The following DAPK1 variants were observed in gnomAD, a reference collection of about 807,000 sequenced individuals.
DAPK1 encodes death-associated protein kinase 1.
A neutral mutation model predicts 144.9 loss-of-function variants in DAPK1; 56 were observed. The observed-to-expected ratio is 0.39, with a 90% CI of 0.31 to 0.48. The LOEUF (loss-of-function observed/expected upper bound fraction) is 0.48, where lower values mean the gene tolerates loss of function less well. Among genes scored for constraint, DAPK1 ranks in the 20% least tolerant of loss-of-function variants. DAPK1 has a pLI of 0.95. For synonymous variants in DAPK1, 690 were observed against 749.0 expected (o/e 0.92, Z 1.29); for missense variants, 1,454 against 1,875.4 (o/e 0.78, Z 4.15).
chr9:87,498,082 G>T lies in DAPK1; in HGVS notation c.-134G>T. On this transcript the variant is annotated 5_prime_UTR_variant, in exon 1 of 26. Transcript: ENST00000408954. ...TCGGCCTCCGACAGCGCTCCGGAGG[G>T]ACCGGGGGAGCTCCCAGGCGCCCGG... is the stretch of plus-strand genomic sequence containing the variant. 2.5e-6 allele frequency: 1 copy of T among 397,754 alleles called. No individual in the cohort carries two copies. Among genetic ancestry groups the T allele is most frequent in the South Asian group, 1.3e-4 (1 of 7,606 alleles). The allele number at this position is 397,754 out of a possible 1,614,324, so 24.6% of individuals were successfully genotyped here. A position where few individuals can be genotyped will look rare whatever the true frequency, so the allele number is the denominator to read the frequency against.
At chr9:87,653,959 G>T (rs1224309379) in intron 17 of DAPK1, among the ~76,000 whole-genome samples, 5 of 152,266 alleles carry the variant, frequency 3.3e-5, no homozygotes, top group African/African-American at 9.6e-5. Context: ...CCCCCAATGT[G>T]CTGGGTTTAC....
intron 3 of DAPK1, among the ~76,000 whole-genome samples, chr9:87,613,922 A>C (rs1299587901): frequency 6.6e-6 from 1 of 152,172 alleles, no homozygotes; most frequent in Admixed American, 6.5e-5. Context: ...CTTTATTCAC[A>C]AAGGTAATTT....
chr9:87,527,683 C>T (rs1164973962), intron 2 of DAPK1, among the ~76,000 whole-genome samples: 2 of 152,364 alleles, frequency 1.3e-5, no homozygotes, highest in East Asian at 3.9e-4. Flanking sequence ...TATGTCAAAA[C>T]ACAAGCCTAA....
At chr9:87,604,223 T>A (rs1828632149) in intron 2 of DAPK1, among the ~76,000 whole-genome samples, 1 of 152,128 alleles carries the variant, frequency 6.6e-6, no homozygotes, top group Non-Finnish European at 1.5e-5. Context: ...AAAGCCTGTG[T>A]CTCTGCATCC....
chr9:87,578,189 G>T (rs575659825), intron 2 of DAPK1, among the ~76,000 whole-genome samples: 1 of 152,308 alleles, frequency 6.6e-6, no homozygotes, highest in African/African-American at 2.4e-5. Flanking sequence ...CCCATTAAAT[G>T]TTAACATTTT....
intron 2 of DAPK1, among the ~76,000 whole-genome samples, chr9:87,556,674 T>C (rs7855623): frequency 0.35 from 52,563 of 152,000 alleles, 9,452 homozygotes; most frequent in Middle Eastern, 0.51. Context: ...GTCTTTCACT[T>C]GTGATCATGG....
Position 87,706,087 on chromosome 9 carries a change from CCAGGGCTCTGT to C in DAPK1, c.3061-43_3061-33del. 1.3e-6 allele frequency: 2 copies of C among 1,487,278 alleles called. No individual in the cohort carries two copies. The highest frequency in any genetic ancestry group is 1.8e-6 in the Non-Finnish European group (2 of 1,088,414). The allele number at this position is 1,487,278 out of a possible 1,614,324, so 92.1% of individuals were successfully genotyped here. On this transcript the variant is annotated intron_variant, in intron 25 of 25. Coordinates refer to ENST00000408954, the MANE Select transcript of DAPK1 (RefSeq NM_004938.4). The surrounding 1 kb of genome is among the most constrained non-coding windows in gnomAD (Gnocchi z 9.0). ...TGCTCTAAGTGGCTGGTGCACCTGG[CCAGGGCTCTGT>C]CCCTAAGCGTGACTTTCTGTTGTCC...
intron 18 of DAPK1, among the ~76,000 whole-genome samples, chr9:87,660,101 G>T (rs1020874966): frequency 3.9e-5 from 6 of 152,178 alleles, no homozygotes; most frequent in Non-Finnish European, 8.8e-5. Context: ...GTCCCGGGAG[G>T]ATCTCCCTGC....
At position 87,681,272 on chromosome 9, in the gene DAPK1, C is replaced by G. The variant is rs1029227835; in HGVS notation, c.2002-132C>G. The G allele has an allele frequency of 1.3e-4, 50 of 396,640 alleles. No homozygotes were observed. The African/African-American group carries it at 1.7e-3, about 13-fold the overall frequency. The allele number at this position is 396,640 out of a possible 1,614,324, so 24.6% of individuals were successfully genotyped here. A position where few individuals can be genotyped will look rare whatever the true frequency, so the allele number is the denominator to read the frequency against. ...CAGTCTGGGCAACAAGAGTGAAACT[C>G]CGTCTCAAAAAAGAAAAAAAGAAAC... On this transcript the variant is annotated intron_variant, in intron 19 of 25. Coordinates refer to ENST00000408954, the MANE Select transcript of DAPK1 (RefSeq NM_004938.4).
intron 2 of DAPK1, among the ~76,000 whole-genome samples, chr9:87,521,146 C>G (rs146005965): frequency 1.3e-5 from 2 of 152,226 alleles, no homozygotes; most frequent in Non-Finnish European, 2.9e-5. Flanking sequence ...TGCAATAGTG[C>G]TAGCTATGTT....
chr9:87,701,795 T>C (rs3118858), intron 24 of DAPK1: 331,979 of 456,908 alleles, frequency 0.73, 122,523 homozygotes, highest in East Asian at 0.98. Flanking sequence ...TGGTTCTAGA[T>C]GTGCTTCCAG....
chr9:87,691,014 T>C (rs1421464293), intron 21 of DAPK1, among the ~76,000 whole-genome samples: 1 of 152,026 alleles, frequency 6.6e-6, no homozygotes, highest in East Asian at 1.9e-4. Flanking sequence ...TTTTCTGGTT[T>C]TGTTATCATG....
At chr9:87,561,834 T>A (rs1826937515) in intron 2 of DAPK1, among the ~76,000 whole-genome samples, 1 of 152,138 alleles carries the variant, frequency 6.6e-6, no homozygotes, top group South Asian at 2.1e-4. Context: ...AGACCCAGGC[T>A]CCCTGGGTTC....
At chr9:87,684,036 A>G (rs894970902) in intron 20 of DAPK1, among the ~76,000 whole-genome samples, 95 of 152,216 alleles carry the variant, frequency 6.2e-4, no homozygotes, top group African/African-American at 2.2e-3. Context: ...GAGACAGACA[A>G]GATGCCCCCA....
rs1456850691 is a variant in DAPK1, at chr9:87,622,599, A to G, written c.285-15344A>G. 2.6e-5 allele frequency among the ~76,000 whole-genome samples: 4 copies of G among 152,156 alleles called. No individual in the cohort carries two copies. In the South Asian group the frequency reaches 8.3e-4, roughly 32 times the overall value. On this transcript the variant is annotated intron_variant, in intron 3 of 25. Transcript: ENST00000408954. ...TTATAAATGCCTCCTTATATTCCAC[A>G]TAATGCTTCCTCAATTTAAGAAAAA...
intron 3 of DAPK1, among the ~76,000 whole-genome samples, chr9:87,622,397 C>T (rs796752542): frequency 1.3e-5 from 2 of 152,234 alleles, no homozygotes; most frequent in African/African-American, 4.8e-5. Context: ...CAAAACAGCA[C>T]TAAAGGTTGT....
In DAPK1 at chr9:87,690,180, C is replaced by T. The variant is rs1825006719; in HGVS notation, c.2413+3441C>T. 3.9e-5 allele frequency among the ~76,000 whole-genome samples: 6 copies of T among 152,136 alleles called. 1 individual carries two copies. In the Middle Eastern group the frequency reaches 0.014, roughly 345 times the overall value. On this transcript the variant is annotated intron_variant, in intron 21 of 25. Transcript: ENST00000408954. The stretch of plus-strand genomic sequence containing the variant: ...TTGTTTGTGTCCTCTCAGTGTCTTT[C>T]GTCTGTGTTTTGTGCTTTTCCTTGT...
chr9:87,585,201 T>C (rs543464648), intron 2 of DAPK1, among the ~76,000 whole-genome samples: 1 of 152,320 alleles, frequency 6.6e-6, no homozygotes. Context: ...GTAATTCCAT[T>C]TGTCTATTTT....
At chr9:87,678,093 G>T (rs192019789) in intron 19 of DAPK1, among the ~76,000 whole-genome samples, 1 of 152,262 alleles carries the variant, frequency 6.6e-6, no homozygotes, top group East Asian at 1.9e-4. Flanking sequence ...AACCTGTTGG[G>T]ATTTGAGGTC....
Sources: allele counts gnomAD v4.1 joint callset (sites outside exome capture counted in the v4.1 genomes callset), GRCh38; gene constraint gnomAD v4.1.1; non-coding constraint Gnocchi (gnomAD v3.1); transcripts MANE v1.5; gene names NCBI Gene and HGNC (gene_info 2026-07-23, HGNC 2026-07-21).